Variants in GRM1 observed in about 807,000 individuals in gnomAD.
GRM1 encodes glutamate metabotropic receptor 1, also known as metabotropic glutamate receptor 1.
Under a neutral mutation model 90.9 loss-of-function variants are expected in GRM1, and 33 were observed. The ratio of observed to expected loss-of-function variants is 0.36; its 90% CI spans 0.28 to 0.49. The LOEUF is 0.49. Ranked by LOEUF, GRM1 falls within the 20% of genes least tolerant of loss-of-function variation. GRM1 has a pLI of 0.99. For synonymous variants in GRM1, 700 were observed against 613.2 expected, an observed-to-expected ratio of 1.14 and a Z score of -2.09; for missense variants, 1,190 against 1,534.3, an observed-to-expected ratio of 0.78 and a Z score of 3.75.
At chr6:146,180,326 T>C (rs895003640) in intron 2 of GRM1, among the ~76,000 whole-genome samples, 2 of 152,180 alleles carry the variant, frequency 1.3e-5, no homozygotes, top group African/African-American at 4.8e-5. Flanking sequence ...TATTTTCCAA[T>C]TAAAGATAGT....
At chr6:146,133,359 A>T (rs1776479825) in intron 1 of GRM1, among the ~76,000 whole-genome samples, 2 of 152,224 alleles carry the variant, frequency 1.3e-5, no homozygotes, top group South Asian at 4.1e-4. Context: ...GCAAAAAGGA[A>T]AATTAGACAC....
chr6:146,296,629 T>C (rs79343019), intron 2 of GRM1, among the ~76,000 whole-genome samples: 1,728 of 152,330 alleles, frequency 0.011, 71 homozygotes, highest in East Asian at 0.078. Flanking sequence ...AAAGTGTCTT[T>C]AAATTTTGAC....
chr6:146,320,889 A>G (rs1316405487), intron 3 of GRM1, among the ~76,000 whole-genome samples: 5 of 151,716 alleles, frequency 3.3e-5, no homozygotes, highest in Admixed American at 6.6e-5. Flanking sequence ...CTAGCAGTCT[A>G]TCTATTTGGT....
At chr6:146,378,949 TTG>T (rs1295353799) in intron 5 of GRM1, among the ~76,000 whole-genome samples, 1 of 152,186 alleles carries the variant, frequency 6.6e-6, no homozygotes, top group African/African-American at 2.4e-5. Flanking sequence ...AGATGTGATT[TTG>T]TTACTCCTTT....
chr6:146,213,842 A>G (rs985041114), intron 2 of GRM1, among the ~76,000 whole-genome samples: 3 of 152,094 alleles, frequency 2.0e-5, no homozygotes, highest in African/African-American at 7.2e-5. Flanking sequence ...TGCTGGTAGC[A>G]TGTCTCAGTA....
chr6:146,342,267 G>A (rs748536568), intron 3 of GRM1, among the ~76,000 whole-genome samples: 2 of 152,176 alleles, frequency 1.3e-5, no homozygotes, highest in Non-Finnish European at 2.9e-5. Context: ...TTTGGTCTCT[G>A]TATTAACATC....
In GRM1 at chr6:146,257,453, A is replaced by G. The variant is rs567392276; in HGVS notation, c.951-47158A>G. Among the ~76,000 whole-genome samples, 189 of 152,162 alleles carry G rather than the reference A, an allele frequency of 1.2e-3. 2 individuals carry two copies. The highest frequency in any genetic ancestry group is 6.0e-3 in the South Asian group (29 of 4,824). On this transcript the variant is annotated intron_variant, in intron 2 of 7. Transcript: ENST00000282753. The stretch of plus-strand genomic sequence containing the variant: ...CAGTATTCTCCAGCAAAACAAAACT[A>G]GTAGAACACATACCTACCTATATGT...
chr6:146,208,235 G>A (rs1237676879), intron 2 of GRM1, among the ~76,000 whole-genome samples: 1 of 152,138 alleles, frequency 6.6e-6, no homozygotes, highest in African/African-American at 2.4e-5. Flanking sequence ...CATGATCCTT[G>A]TTGGTAACCC....
At chr6:146,169,016 A>C (rs920234994) in intron 2 of GRM1, among the ~76,000 whole-genome samples, 1 of 152,084 alleles carries the variant, frequency 6.6e-6, no homozygotes, top group Non-Finnish European at 1.5e-5. Flanking sequence ...TTCTTCAAAT[A>C]TTATTTCTGC....
chr6:146,190,962 G>A (rs891438779), intron 2 of GRM1, among the ~76,000 whole-genome samples: 4 of 152,124 alleles, frequency 2.6e-5, no homozygotes, highest in Non-Finnish European at 5.9e-5. Context: ...TGTATTCATA[G>A]CTCCTTAAGA....
intron 5 of GRM1, among the ~76,000 whole-genome samples, chr6:146,381,637 G>T (rs1002583063): frequency 6.6e-6 from 1 of 152,112 alleles, no homozygotes; most frequent in Non-Finnish European, 1.5e-5. Flanking sequence ...GGTGTCCTTG[G>T]TGGGGGAGGC....
intron 1 of GRM1, among the ~76,000 whole-genome samples, chr6:146,055,215 A>T (rs1270346278): frequency 6.6e-6 from 1 of 152,116 alleles, no homozygotes; most frequent in African/African-American, 2.4e-5. Context: ...AATTAAGGTT[A>T]ATAAATAGGA....
chr6:146,208,297 T>G (rs1161564787), intron 2 of GRM1, among the ~76,000 whole-genome samples: 1 of 152,194 alleles, frequency 6.6e-6, no homozygotes, highest in Admixed American at 6.5e-5. Context: ...TTACATATCT[T>G]TTCAACTTTT....
Position 146,207,197 on chromosome 6 carries a change from A to C in GRM1, c.950+47600A>C, listed in dbSNP as rs375918827. On this transcript the variant is annotated intron_variant, in intron 2 of 7. Coordinates refer to ENST00000282753, the MANE Select transcript of GRM1 (RefSeq NM_001278064.2). ...ACCCAGTAATGGGGTTGCTGGGTCA[A>C]ATGGTAGTATACTTTAAGCTCTTTG... Among the ~76,000 whole-genome samples, 6 of 152,260 alleles carry C rather than the reference A, an allele frequency of 3.9e-5. 1 individual carries two copies. The highest frequency in any genetic ancestry group is 1.4e-4 in the African/African-American group (6 of 41,560).
chr6:146,264,313 A>G (rs1370871878), intron 2 of GRM1, among the ~76,000 whole-genome samples: 1 of 152,112 alleles, frequency 6.6e-6, no homozygotes, highest in Non-Finnish European at 1.5e-5. Context: ...AAAATGGTAT[A>G]CTGTATTGCT....
At chr6:146,430,742 T>C (rs1322996403) in intron 7 of GRM1, among the ~76,000 whole-genome samples, 1 of 152,178 alleles carries the variant, frequency 6.6e-6, no homozygotes, top group Non-Finnish European at 1.5e-5. Flanking sequence ...AATAAGATAC[T>C]CTCTTTTCTC....
intron 2 of GRM1, among the ~76,000 whole-genome samples, chr6:146,240,540 A>C (rs929292787): frequency 1.1e-4 from 17 of 152,204 alleles, no homozygotes; most frequent in African/African-American, 3.8e-4. Flanking sequence ...GGGAGCCAGG[A>C]AAAGAATCTC....
At chr6:146,118,731 G>A (rs1307340244) in intron 1 of GRM1, among the ~76,000 whole-genome samples, 1 of 152,130 alleles carries the variant, frequency 6.6e-6, no homozygotes, top group Non-Finnish European at 1.5e-5. Context: ...GAGAATGATG[G>A]TTTCCAGCTT....
chr6:146,348,362 T>C (rs59595356), intron 3 of GRM1, among the ~76,000 whole-genome samples: 5,452 of 152,286 alleles, frequency 0.036, 307 homozygotes, highest in African/African-American at 0.12. Context: ...GTAAAGGAAA[T>C]GGCCCTATAA....
Sources: gnomAD v4.1 joint callset for allele counts (sites outside exome capture counted in the v4.1 genomes callset) on GRCh38, gnomAD v4.1.1 for gene constraint, MANE v1.5 for transcripts, NCBI Gene and HGNC (gene_info 2026-07-23, HGNC 2026-07-21) for gene names.